The following TNS3 variants were observed in gnomAD, a reference collection of about 807,000 sequenced individuals.
TNS3 encodes the protein tensin 3, also known as tensin-3.
A neutral mutation model predicts 140.9 loss-of-function variants in TNS3; 45 were observed. That is an observed-to-expected ratio of 0.32 (90% confidence interval 0.25 to 0.41). The LOEUF is 0.41. Ranked by LOEUF, TNS3 falls within the 10% of genes least tolerant of loss-of-function variation. The pLI is 1.00. For synonymous variants in TNS3, 815 were observed against 788.4 expected (o/e 1.03, Z -0.56); for missense variants, 1,716 against 1,906.7 (o/e 0.90, Z 1.86).
At chr7:47,298,077 C>A (rs777224789) in intron 23 of TNS3, among the ~76,000 whole-genome samples, 1 of 152,176 alleles carries the variant, frequency 6.6e-6, no homozygotes, top group African/African-American at 2.4e-5. Flanking sequence ...TGAGCCACTG[C>A]GCCTGGCCAG....
chr7:47,514,764 T>C (rs1038415337), intron 2 of TNS3, among the ~76,000 whole-genome samples: 6 of 152,184 alleles, frequency 3.9e-5, no homozygotes, highest in Admixed American at 3.9e-4. Context: ...GGTCTGACCC[T>C]GGATCCTCCC....
intron 1 of TNS3, among the ~76,000 whole-genome samples, chr7:47,531,963 G>A (rs1260855296): frequency 6.6e-6 from 1 of 152,046 alleles, no homozygotes; most frequent in Non-Finnish European, 1.5e-5. Context: ...GGCGGGAGCT[G>A]GGGAAAAGCA....
intron 17 of TNS3, among the ~76,000 whole-genome samples, chr7:47,354,608 A>G (rs1291515390): frequency 7.0e-6 from 1 of 142,234 alleles, no homozygotes; most frequent in Non-Finnish European, 1.6e-5. Flanking sequence ...CCCAGCCAGG[A>G]AAAAAAAAAA....
At position 47,344,549 on chromosome 7, in the gene TNS3, G is replaced by A. The variant is rs191541249; in HGVS notation, c.2650+206C>T. ...GGTTCCCCACAGGATGCCAGGCAGCGATGCAAGGCCAGGTTGCCACCACAC... is the reference window on the plus strand; with the variant it reads ...GGTTCCCCACAGGATGCCAGGCAGCAATGCAAGGCCAGGTTGCCACCACAC... On this transcript the variant is annotated intron_variant, in intron 20 of 30. Transcript: ENST00000311160. Among the ~76,000 whole-genome samples the A allele has an allele frequency of 2.8e-3, 433 of 152,318 alleles. 1 individual carries two copies. The highest frequency in any genetic ancestry group is 3.7e-3 in the Non-Finnish European group (253 of 68,020).
chr7:47,550,642 T>C (rs1035045089), intron 1 of TNS3, among the ~76,000 whole-genome samples: 1 of 152,146 alleles, frequency 6.6e-6, no homozygotes, highest in Non-Finnish European at 1.5e-5. Context: ...CTTCAAGGAA[T>C]GTGTTCTAAG....
At chr7:47,453,287 G>A (rs117348280) in intron 4 of TNS3, 17,451 of 977,434 alleles carry the variant, frequency 0.018, 175 homozygotes, top group Non-Finnish European at 0.02. Context: ...AGCGCTCTCC[G>A]GGAGAGCCTT....
At chr7:47,411,623 T>C in intron 13 of TNS3, 104 bp downstream of exon 13, 1 of 1,258,358 alleles carries the variant, frequency 7.9e-7, no homozygotes, top group Non-Finnish European at 1.1e-6. Context: ...GGGTACTTTT[T>C]TTGGGGGTGA....
At chr7:47,539,040 G>C (rs753543281) in intron 1 of TNS3, 1 of 456,552 alleles carries the variant, frequency 2.2e-6, no homozygotes, top group South Asian at 1.5e-5. Context: ...GGGCAAACAC[G>C]CCCAGAGGTC....
At chr7:47,305,132 C>T in intron 20 of TNS3, 129 bp from the exon 21 acceptor site, 9 of 658,104 alleles carry the variant, frequency 1.4e-5, no homozygotes, top group Admixed American at 4.3e-5. Context: ...CATGGCCATA[C>T]TGAACATGAC....
intron 7 of TNS3, 45 bp from the exon 8 acceptor site, chr7:47,435,449 C>A: frequency 6.2e-7 from 1 of 1,607,176 alleles, no homozygotes; most frequent in Non-Finnish European, 8.5e-7. Context: ...TTTCCTAAAA[C>A]CTTCTGAGGC....
At chr7:47,448,511 A>C (rs1795862287) in intron 4 of TNS3, among the ~76,000 whole-genome samples, 2 of 132,750 alleles carry the variant, frequency 1.5e-5, no homozygotes, top group African/African-American at 3.0e-5. Context: ...ACAGAGTCTC[A>C]CTCTGCCACC....
chr7:47,406,696 C>T (rs1584585661), intron 13 of TNS3, among the ~76,000 whole-genome samples: 1 of 152,202 alleles, frequency 6.6e-6, no homozygotes, highest in African/African-American at 2.4e-5. Context: ...TATGCACATG[C>T]TTTCTGCTCG....
chr7:47,566,760 C>T (rs1269077576), intron 1 of TNS3, among the ~76,000 whole-genome samples: 2 of 152,092 alleles, frequency 1.3e-5, no homozygotes, highest in African/African-American at 4.8e-5. Context: ...CATCTCATGG[C>T]CGGGCACGGT....
At chr7:47,315,681 C>T (rs1195804173) in intron 20 of TNS3, among the ~76,000 whole-genome samples, 1 of 152,182 alleles carries the variant, frequency 6.6e-6, no homozygotes, top group Non-Finnish European at 1.5e-5. Context: ...AAACCTGCAA[C>T]CTAAATGTGT....
intron 2 of TNS3, among the ~76,000 whole-genome samples, chr7:47,519,816 C>CTTTTTTTTTTT (rs34418629): frequency 4.0e-5 from 3 of 74,824 alleles, no homozygotes; most frequent in African/African-American, 1.1e-4. Flanking sequence ...CCTCACATTT[C>CTTTTTTTTTTT]TTTTTTTTTT....
intron 1 of TNS3, among the ~76,000 whole-genome samples, chr7:47,576,386 T>C (rs151170677): frequency 6.6e-6 from 1 of 152,048 alleles, no homozygotes; most frequent in Non-Finnish European, 1.5e-5. Flanking sequence ...AGGTGACAAA[T>C]GACAAACACA....
At chr7:47,297,785 GT>G (rs768611066) in intron 23 of TNS3, among the ~76,000 whole-genome samples, 211 of 136,290 alleles carry the variant, frequency 1.5e-3, no homozygotes, top group East Asian at 8.8e-3. Flanking sequence ...AAGGAAAGAA[GT>G]TTTTTTTTTT....
intron 2 of TNS3, among the ~76,000 whole-genome samples, chr7:47,521,494 A>G (rs1008106234): frequency 1.3e-5 from 2 of 152,182 alleles, no homozygotes; most frequent in African/African-American, 2.4e-5. Flanking sequence ...CCAGCCCCTC[A>G]TGCCTCCTGG....
intron 1 of TNS3, among the ~76,000 whole-genome samples, chr7:47,564,402 C>T (rs1247898726): frequency 1.3e-5 from 2 of 151,836 alleles, no homozygotes; most frequent in Non-Finnish European, 2.9e-5. Context: ...CTTTGGGAGG[C>T]GGAGGCAGGC....
Sources: gnomAD v4.1 joint callset for allele counts (sites outside exome capture counted in the v4.1 genomes callset) on GRCh38, gnomAD v4.1.1 for gene constraint, MANE v1.5 for transcripts, NCBI Gene and HGNC (gene_info 2026-07-23, HGNC 2026-07-21) for gene names.